TOLLIP: variants seen among roughly 807,000 people sequenced by gnomAD.
The protein encoded by TOLLIP is toll-interacting protein.
Under a neutral mutation model 33.5 loss-of-function variants are expected in TOLLIP, and 16 were observed. That is an observed-to-expected ratio of 0.48 (90% confidence interval 0.32 to 0.72). The LOEUF (loss-of-function observed/expected upper bound fraction) is 0.72, where lower values mean the gene tolerates loss of function less well. Among genes scored for constraint, TOLLIP ranks in the 30% least tolerant of loss-of-function variants. TOLLIP has a pLI of 0.03. For synonymous variants in TOLLIP, 176 were observed against 163.7 expected, an observed-to-expected ratio of 1.07 and a Z score of -0.57; for missense variants, 325 against 396.6, an observed-to-expected ratio of 0.82 and a Z score of 1.53.
chr11:1,276,481 C>G lies in TOLLIP; in HGVS notation c.*558G>C. ...TGGCCAGGTGAGCCAGGCCAGAGGC[C>G]GGCCCCACACCATCCACAGGAAGCT... On this transcript the variant is annotated 3_prime_UTR_variant, in exon 6 of 6. Transcript: ENST00000317204. 1 of 362,580 alleles carries G rather than the reference C, an allele frequency of 2.8e-6. No individual in the cohort carries two copies. The highest frequency in any genetic ancestry group is 2.2e-5 in the South Asian group (1 of 44,470). 22.5% of individuals were successfully genotyped at this position (362,580 alleles called of 1,614,324 possible).
Position 1,290,429 on chromosome 11 carries a change from A to G in TOLLIP, c.184-20T>C, listed in dbSNP as rs1446402344. On this transcript the variant is annotated intron_variant, in intron 2 of 5. Coordinates refer to ENST00000317204, the MANE Select transcript of TOLLIP (RefSeq NM_019009.4). The surrounding 1 kb of genome is among the most constrained non-coding windows in gnomAD (Gnocchi z 4.9). ...CTTTGCCTGGAATGAAGCCAATGTC[A>G]GGAAAAGGAGGTGCCAACCATCAGG... 27 of 1,607,294 alleles carry G rather than the reference A, an allele frequency of 1.7e-5. No individual in the cohort carries two copies. Among genetic ancestry groups the G allele is most frequent in the African/African-American group, 2.7e-5 (2 of 74,822 alleles).
In TOLLIP at chr11:1,295,551, G is replaced by A. The variant is rs183090346; in HGVS notation, c.183+94C>T. The A allele has an allele frequency of 1.1e-3, 1,521 of 1,369,234 alleles. 1 individual carries two copies. Among genetic ancestry groups the A allele is most frequent in the Non-Finnish European group, 1.3e-3 (1,320 of 1,026,476 alleles). 84.8% of individuals were successfully genotyped at this position (1,369,234 alleles called of 1,614,324 possible). A position where few individuals can be genotyped will look rare whatever the true frequency, so the allele number is the denominator to read the frequency against. On this transcript the variant is annotated intron_variant, in intron 2 of 5. Coordinates refer to ENST00000317204, the MANE Select transcript of TOLLIP (RefSeq NM_019009.4). ...CGGGAATCAGAAGTTCTGTTTGCCC[G>A]CTTAGGAAATGCAGTATAAACGCCG...
At chr11:1,279,835 C>T (rs533016231) in intron 5 of TOLLIP, among the ~76,000 whole-genome samples, 10 of 152,302 alleles carry the variant, frequency 6.6e-5, no homozygotes, top group East Asian at 3.9e-4. Flanking sequence ...TGGTAAGTCC[C>T]GGCCGCCGGT....
At chr11:1,283,573 G>C (rs757852980) in intron 5 of TOLLIP, 52 of 456,156 alleles carry the variant, frequency 1.1e-4, no homozygotes, top group South Asian at 4.6e-4. Context: ...TATGAAGTGC[G>C]GGGCTGTTCC....
chr11:1,276,801 A>G lies in TOLLIP; in HGVS notation c.*238T>C. The G allele has an allele frequency of 6.6e-7, 1 of 1,522,970 alleles. No homozygotes were observed. The highest frequency in any genetic ancestry group is 1.4e-5 in the African/African-American group (1 of 72,882). 94.3% of individuals were successfully genotyped at this position (1,522,970 alleles called of 1,614,324 possible). A position where few individuals can be genotyped will look rare whatever the true frequency, so the allele number is the denominator to read the frequency against. ...GAGACGCACGTCCCAGGGACAGGAG[A>G]GCGCGCTGAGACCTCCCAGCACGAG... On this transcript the variant is annotated 3_prime_UTR_variant, in exon 6 of 6. Transcript: ENST00000317204.
Position 1,295,684 on chromosome 11 carries a change from T to C in TOLLIP, c.144A>G (p.Ala48=), listed in dbSNP as rs773537408. ...TGTTCAGTCGGCCCACGGTGCCCAC[T>C]GCGCCTCCGTACTGCAGCTGCTGGG... The part of the protein sequence containing the change: ...QAAQQLQYGG[A]VGTVGRLNIT... Residue 48 remains alanine, a synonymous_variant, in exon 2 of 6, where the codon GCA becomes GCG. Transcript: ENST00000317204. The C allele has an allele frequency of 2.5e-6, 4 of 1,607,370 alleles. No homozygotes were observed. Among genetic ancestry groups the C allele is most frequent in the Non-Finnish European group, 3.4e-6 (4 of 1,175,948 alleles).
rs1031961259 is a variant in TOLLIP, at chr11:1,276,428, G to A, written c.*611C>T. On this transcript the variant is annotated 3_prime_UTR_variant, in exon 6 of 6. Transcript: ENST00000317204. The stretch of plus-strand genomic sequence containing the variant: ...TGTGGGTTCATTCTGCCTTCAGGCC[G>A]GAGTCTGTCACAAGGCTGGCTGGAC... The A allele has an allele frequency of 5.7e-5, 17 of 297,820 alleles. No individual in the cohort carries two copies. Among genetic ancestry groups the A allele is most frequent in the African/African-American group, 1.3e-4 (6 of 45,286 alleles). The allele number at this position is 297,820 out of a possible 1,614,324, so 18.4% of individuals were successfully genotyped here.
At chr11:1,302,470 G>A in intron 1 of TOLLIP, 1 of 683,196 alleles carries the variant, frequency 1.5e-6, no homozygotes, top group Non-Finnish European at 1.8e-6. Context: ...TGTAAGTTTA[G>A]CATTTTCCAA....
intron 5 of TOLLIP, among the ~76,000 whole-genome samples, chr11:1,280,943 G>C (rs1339176590): frequency 6.6e-6 from 1 of 152,222 alleles, no homozygotes; most frequent in Non-Finnish European, 1.5e-5. Context: ...TCTCACGCAC[G>C]AAGAACGCAC....
intron 1 of TOLLIP, among the ~76,000 whole-genome samples, chr11:1,299,930 G>A (rs903300975): frequency 9.9e-5 from 15 of 152,246 alleles, no homozygotes; most frequent in South Asian, 2.1e-4. Context: ...GGACGGAGGC[G>A]GAGGCGGAGG....
At chr11:1,293,940 G>A (rs910783145) in intron 2 of TOLLIP, among the ~76,000 whole-genome samples, 17 of 152,248 alleles carry the variant, frequency 1.1e-4, no homozygotes, top group Non-Finnish European at 1.6e-4. Flanking sequence ...GAGACACGCC[G>A]CGAGGAAGGG....
chr11:1,305,990 A>G (rs1864413176), intron 1 of TOLLIP: 1 of 152,028 alleles, frequency 6.6e-6, no homozygotes, highest in Non-Finnish European at 1.5e-5. Flanking sequence ...TACTCCTCAC[A>G]GGGGTCCACA....
intron 4 of TOLLIP, among the ~76,000 whole-genome samples, chr11:1,287,422 ACCCTCCCC>A (rs1564969443): frequency 4.5e-5 from 4 of 88,536 alleles, no homozygotes; most frequent in South Asian, 8.4e-4. Flanking sequence ...TCCCCGCCGC[ACCCTCCCC>A]GCCGCAGCCT....
At chr11:1,309,046 C>T (rs1182420626) in intron 1 of TOLLIP, among the ~76,000 whole-genome samples, 4 of 152,186 alleles carry the variant, frequency 2.6e-5, no homozygotes, top group African/African-American at 4.8e-5. Flanking sequence ...GGTGCGGGGC[C>T]CTCCTCCATT....
intron 5 of TOLLIP, among the ~76,000 whole-genome samples, chr11:1,285,712 T>G (rs980444382): frequency 6.6e-6 from 1 of 151,106 alleles, no homozygotes; most frequent in African/African-American, 2.4e-5. Context: ...CAACGGGGTT[T>G]CAAAGCCACA....
intron 1 of TOLLIP, among the ~76,000 whole-genome samples, chr11:1,309,218 C>T (rs2133939845): frequency 6.6e-6 from 1 of 152,290 alleles, no homozygotes; most frequent in Non-Finnish European, 1.5e-5. Context: ...CCCGGGGCTG[C>T]CTCCCCAAAG....
chr11:1,307,388 C>T (rs1864448041), intron 1 of TOLLIP, among the ~76,000 whole-genome samples: 1 of 152,230 alleles, frequency 6.6e-6, no homozygotes, highest in Admixed American at 6.5e-5. Context: ...AGAACATCTC[C>T]TGCCGCTCCC....
chr11:1,283,738 G>A, intron 5 of TOLLIP: 2 of 374,714 alleles, frequency 5.3e-6, no homozygotes, highest in Non-Finnish European at 1.1e-5. Context: ...TCATCTGAAT[G>A]CTCTTTCAGC....
chr11:1,283,547 T>G (rs1863576555), intron 5 of TOLLIP: 1 of 456,134 alleles, frequency 2.2e-6, no homozygotes, highest in African/African-American at 2.0e-5. Flanking sequence ...TTCCTGCATC[T>G]CCTTGGGAAC....
Sources: allele counts gnomAD v4.1 joint callset (sites outside exome capture counted in the v4.1 genomes callset), GRCh38; gene constraint gnomAD v4.1.1; non-coding constraint Gnocchi (gnomAD v3.1); transcripts MANE v1.5; gene names NCBI Gene and HGNC (gene_info 2026-07-23, HGNC 2026-07-21).